PALD1: variants seen among roughly 807,000 people sequenced by gnomAD.
PALD1 encodes phosphatase domain containing paladin 1, also known as paladin.
Under a neutral mutation model 96.0 loss-of-function variants are expected in PALD1, and 57 were observed. The ratio of observed to expected loss-of-function variants is 0.59; its 90% confidence interval spans 0.48 to 0.74. The LOEUF (loss-of-function observed/expected upper bound fraction) is 0.74. Among genes scored for constraint, PALD1 ranks in the 30% least tolerant of loss-of-function variants. The pLI is 0.00. For synonymous variants in PALD1, 464 were observed against 473.6 expected (o/e 0.98, Z 0.26); for missense variants, 1,063 against 1,143.7 (o/e 0.93, Z 1.02).
intron 1 of PALD1, among the ~76,000 whole-genome samples, chr10:70,508,670 C>T (rs1846443909): frequency 6.6e-6 from 1 of 152,176 alleles, no homozygotes; most frequent in Admixed American, 6.5e-5. Context: ...CACCCGTGGA[C>T]CCCAGTTTCC....
intron 1 of PALD1, among the ~76,000 whole-genome samples, chr10:70,510,302 C>T (rs1846486171): frequency 6.6e-6 from 1 of 152,146 alleles, no homozygotes; most frequent in Non-Finnish European, 1.5e-5. Context: ...TTCCCACTGT[C>T]ACTCTGGGTC....
chr10:70,500,329 G>A (rs1425196200), intron 1 of PALD1, among the ~76,000 whole-genome samples: 3 of 152,140 alleles, frequency 2.0e-5, no homozygotes, highest in South Asian at 4.1e-4. Flanking sequence ...GACACAGGCC[G>A]TGGTCGTGCT....
intron 18 of PALD1, among the ~76,000 whole-genome samples, chr10:70,559,591 G>A (rs1589220794): frequency 6.6e-6 from 1 of 152,140 alleles, no homozygotes; most frequent in Admixed American, 6.5e-5. Flanking sequence ...GTGAGAGGCG[G>A]TCAGCCTCTG....
chr10:70,551,013 T>G (rs1199638971), intron 18 of PALD1, among the ~76,000 whole-genome samples: 3 of 152,222 alleles, frequency 2.0e-5, no homozygotes, highest in Non-Finnish European at 2.9e-5. Context: ...GATCATATGG[T>G]AATTCTGTGT....
chr10:70,501,834 T>TGTGTGTGTGTGTGCGCGC (rs774868338), intron 1 of PALD1, among the ~76,000 whole-genome samples: 37 of 149,500 alleles, frequency 2.5e-4, no homozygotes, highest in East Asian at 5.9e-4. Context: ...TGTGTGTGTG[T>TGTGTGTGTGTGTGCGCGC]GCGTGCGTGC....
In PALD1 at chr10:70,547,451, G is replaced by GCCCCCCCCCCCCCCCCCCCCCCCCCCC; in HGVS notation, c.2262+10_2262+11insCCCCCCCCCCCCCCCCCCCCCCCCCCC. On this transcript the variant is annotated splice_donor_region_variant and intron_variant, in intron 18 of 19. Transcript: ENST00000263563. ...ATCATCTGCACCTACCGCCAGGTGAGCCCCCACCCCACCCCACCCCACCCT... is the reference window on the plus strand; with the variant it reads ...ATCATCTGCACCTACCGCCAGGTGAGCCCCCCCCCCCCCCCCCCCCCCCCCCCCCCCCACCCCACCCCACCCCACCCT... 1 of 1,585,850 alleles carries GCCCCCCCCCCCCCCCCCCCCCCCCCCC rather than the reference G, an allele frequency of 6.3e-7. No individual in the cohort carries two copies. Among genetic ancestry groups the GCCCCCCCCCCCCCCCCCCCCCCCCCCC allele is most frequent in the Non-Finnish European group, 8.6e-7 (1 of 1,164,776 alleles).
rs1451896578 is a variant in PALD1 at position 70,564,419 on chromosome 10, A to T, written c.2318A>T (p.Gln773Leu). The change falls in exon 19 of 20, where the codon CAG (glutamine) becomes CTG (leucine). Residue 773 changes from glutamine to leucine, a missense_variant. Coordinates refer to ENST00000263563, the MANE Select transcript of PALD1 (RefSeq NM_014431.3). ...EMRRLQLRSLQYLERYVCLIL... is the reference protein window; with the variant it reads ...EMRRLQLRSLLYLERYVCLIL... ...CGGAGGCTGCAGCTGCGGAGCCTGC[A>T]GTACTTGGAGCGCTATGTCTGCCTG... 3 of 1,614,002 alleles carry T rather than the reference A, an allele frequency of 1.9e-6. No individual in the cohort carries two copies. Among genetic ancestry groups the T allele is most frequent in the Non-Finnish European group, 2.5e-6 (3 of 1,179,982 alleles).
the PALD1 span, among the ~76,000 whole-genome samples, chr10:70,472,910 C>G: frequency 6.6e-6 from 1 of 152,116 alleles, no homozygotes; most frequent in Non-Finnish European, 1.5e-5. Flanking sequence ...CAGCTATTTG[C>G]TAAGAATTTT....
At position 70,531,358 on chromosome 10, in the gene PALD1, C is replaced by T. The variant is rs1846986317; in HGVS notation, c.537C>T (p.Ser179=). 21 of 1,613,972 alleles carry T rather than the reference C, an allele frequency of 1.3e-5. No individual in the cohort carries two copies. Among genetic ancestry groups the T allele is most frequent in the Middle Eastern group, 3.3e-4 (2 of 6,062 alleles). The part of the protein sequence containing the change: ...LFLRADEDFV[S]YTPRDKQNLH... ...TGCGTGCAGATGAGGACTTTGTGTC[C>T]TACACACCTCGAGACAAGCAGAACC... The change falls in exon 5 of 20, where the codon TCC becomes TCT. Residue 179 remains serine, a synonymous_variant. Transcript: ENST00000263563.
chr10:70,558,238 C>T (rs2098398805), intron 18 of PALD1, among the ~76,000 whole-genome samples: 1 of 152,022 alleles, frequency 6.6e-6, no homozygotes, highest in Non-Finnish European at 1.5e-5. Flanking sequence ...CATGTGGCCT[C>T]CTCGGTGGAC....
At chr10:70,482,903 G>A (rs562230963) in intron 1 of PALD1, among the ~76,000 whole-genome samples, 44 of 152,252 alleles carry the variant, frequency 2.9e-4, no homozygotes, top group African/African-American at 1.0e-3. Flanking sequence ...TTATTACCAC[G>A]ATGTTATTCT....
chr10:70,562,296 G>A (rs1374797086), intron 18 of PALD1, among the ~76,000 whole-genome samples: 1 of 152,210 alleles, frequency 6.6e-6, no homozygotes, highest in Non-Finnish European at 1.5e-5. Context: ...GCTCCTTCTG[G>A]ATGGATGGGT....
At chr10:70,519,004 G>A (rs777935441) in intron 1 of PALD1, among the ~76,000 whole-genome samples, 3 of 152,282 alleles carry the variant, frequency 2.0e-5, no homozygotes, top group Non-Finnish European at 4.4e-5. Context: ...GGAGCCCTGA[G>A]TCCCAATTCT....
chr10:70,539,093 C>T lies in PALD1; in HGVS notation c.1571C>T (p.Ala524Val), dbSNP rs146748797. 2 of 1,613,744 alleles carry T rather than the reference C, an allele frequency of 1.2e-6. No homozygotes were observed. The highest frequency in any genetic ancestry group is 1.6e-4 in the Middle Eastern group (1 of 6,084). Residue 524 changes from alanine to valine, a missense_variant and splice_region_variant, in exon 14 of 20, where the codon GCC (alanine) becomes GTC (valine). Ala to Val is a moderately conservative substitution (Grantham distance 64). Transcript: ENST00000263563. The surrounding 1 kb of genome is among the most constrained non-coding windows in gnomAD (Gnocchi z 4.5). Reference sequence around the variant, plus strand: ...CACTGCCGGCCCTCCTGTGCCCAGGCCCTGGGGAGCATCCTGGCCTACCTG... The same window carrying T: ...CACTGCCGGCCCTCCTGTGCCCAGGTCCTGGGGAGCATCCTGGCCTACCTG... ...IYGTAQPSAK[A>V]LGSILAYLTD...
In PALD1 at chr10:70,547,457, A is replaced by AACCCCCCCCCCCCCCCCCCCCCCCCCC; in HGVS notation, c.2262+11_2262+12insACCCCCCCCCCCCCCCCCCCCCCCCCC. On this transcript the variant is annotated intron_variant, in intron 18 of 19. Transcript: ENST00000263563. Reference sequence around the variant, plus strand: ...TGCACCTACCGCCAGGTGAGCCCCCACCCCACCCCACCCCACCCTGCCCCA... The same window carrying AACCCCCCCCCCCCCCCCCCCCCCCCCC: ...TGCACCTACCGCCAGGTGAGCCCCCAACCCCCCCCCCCCCCCCCCCCCCCCCCCCCCACCCCACCCCACCCTGCCCCA... 1 of 1,016,504 alleles carries AACCCCCCCCCCCCCCCCCCCCCCCCCC rather than the reference A, an allele frequency of 9.8e-7. No homozygotes were observed. Among genetic ancestry groups the AACCCCCCCCCCCCCCCCCCCCCCCCCC allele is most frequent in the Non-Finnish European group, 1.4e-6 (1 of 730,212 alleles). The allele number at this position is 1,016,504 out of a possible 1,614,324, so 63.0% of individuals were successfully genotyped here. A position where few individuals can be genotyped will look rare whatever the true frequency, so the allele number is the denominator to read the frequency against.
chr10:70,540,289 G>T lies in PALD1; in HGVS notation c.1908+527G>T, dbSNP rs574750342. Among the ~76,000 whole-genome samples the T allele has an allele frequency of 6.6e-6, 1 of 151,890 alleles. No homozygotes were observed. Among genetic ancestry groups the T allele is most frequent in the African/African-American group, 2.4e-5 (1 of 41,312 alleles). On this transcript the variant is annotated intron_variant, in intron 15 of 19. Transcript: ENST00000263563. This position sits in a 1 kb window ranked among gnomAD's most constrained non-coding sequence, Gnocchi z 4.2. ...AGTGTGTGGGTGGTGTGTGGAATGT[G>T]TGTGTGTGTGCATGTCTTTTTATGG...
intron 1 of PALD1, among the ~76,000 whole-genome samples, chr10:70,489,556 G>T (rs574793969): frequency 2.6e-5 from 4 of 152,106 alleles, no homozygotes; most frequent in Admixed American, 6.5e-5. Flanking sequence ...AATCCTGTAG[G>T]GGGAGGGGAG....
intron 9 of PALD1, 60 bp from the exon 10 acceptor site, chr10:70,534,679 C>T (rs2132380144): frequency 7.6e-7 from 1 of 1,308,452 alleles, no homozygotes; most frequent in South Asian, 1.2e-5. Context: ...TGCCGTTCTG[C>T]CTTGACCCTG....
Position 70,502,072 on chromosome 10 carries a change from G to A in PALD1, c.-30+23013G>A, listed in dbSNP as rs1846310532. Among the ~76,000 whole-genome samples the A allele has an allele frequency of 2.0e-5, 3 of 151,044 alleles. No individual in the cohort carries two copies. The South Asian group carries it at 6.2e-4, about 31-fold the overall frequency. ...CCAGTGCCCTGGGAGACTGAGGCAG[G>A]AGCATTAGTTGAGGCCAGGAGTTCG... On this transcript the variant is annotated intron_variant, in intron 1 of 19. Transcript: ENST00000263563.
Sources: gnomAD v4.1 joint callset for allele counts (sites outside exome capture counted in the v4.1 genomes callset) on GRCh38, gnomAD v4.1.1 for gene constraint, Gnocchi (gnomAD v3.1) non-coding constraint, MANE v1.5 for transcripts, NCBI Gene and HGNC (gene_info 2026-07-23, HGNC 2026-07-21) for gene names.